DCC: variants seen among roughly 807,000 people sequenced by gnomAD.
DCC encodes the protein netrin receptor DCC.
Under a neutral mutation model 172.5 loss-of-function variants are expected in DCC, and 58 were observed. The ratio of observed to expected loss-of-function variants is 0.34; its 90% confidence interval spans 0.27 to 0.42. The LOEUF (loss-of-function observed/expected upper bound fraction) is 0.42, where lower values mean the gene tolerates loss of function less well. Among genes scored for constraint, DCC ranks in the 10% least tolerant of loss-of-function variants. The pLI, the probability that DCC is intolerant of heterozygous loss-of-function variation, is 1.00. For synonymous variants in DCC, 709 were observed against 644.5 expected (o/e 1.10, Z -1.52); for missense variants, 1,740 against 1,791.0 (o/e 0.97, Z 0.51).
intron 1 of DCC, among the ~76,000 whole-genome samples, chr18:52,383,461 T>C (rs974909317): frequency 6.6e-6 from 1 of 152,104 alleles, no homozygotes; most frequent in African/African-American, 2.4e-5. Flanking sequence ...TCCATTTGTA[T>C]CTTATTATTT....
At chr18:52,797,776 C>T (rs1193359595) in intron 2 of DCC, among the ~76,000 whole-genome samples, 2 of 152,180 alleles carry the variant, frequency 1.3e-5, no homozygotes, top group Non-Finnish European at 2.9e-5. Context: ...TGGGATGGAA[C>T]CCCCAGTGGT....
intron 1 of DCC, among the ~76,000 whole-genome samples, chr18:52,597,140 C>T (rs1372656253): frequency 6.6e-6 from 1 of 152,154 alleles, no homozygotes; most frequent in East Asian, 1.9e-4. Context: ...AAATGCAATT[C>T]CATCTCCTAA....
intron 17 of DCC, among the ~76,000 whole-genome samples, chr18:53,395,445 A>G (rs1908867391): frequency 6.6e-6 from 1 of 152,102 alleles, no homozygotes; most frequent in African/African-American, 2.4e-5. Flanking sequence ...AATACTTCTT[A>G]TTGCCTCATT....
intron 7 of DCC, among the ~76,000 whole-genome samples, chr18:53,077,635 C>T (rs1451828827): frequency 1.3e-5 from 2 of 152,126 alleles, no homozygotes; most frequent in Non-Finnish European, 2.9e-5. Context: ...TTTTCTCTTA[C>T]TTTGTGAGTA....
intron 27 of DCC, among the ~76,000 whole-genome samples, chr18:53,511,696 G>A (rs1384673199): frequency 6.6e-6 from 1 of 152,220 alleles, no homozygotes; most frequent in Non-Finnish European, 1.5e-5. Flanking sequence ...AGAAAGGGGT[G>A]ACGGACGGCA....
At chr18:53,311,423 A>C (rs1265659135) in intron 13 of DCC, among the ~76,000 whole-genome samples, 2 of 152,104 alleles carry the variant, frequency 1.3e-5, no homozygotes, top group Admixed American at 1.3e-4. Context: ...GCACCCGGCC[A>C]TACTGCTTAT....
At chr18:53,205,103 A>G (rs1219443959) in intron 9 of DCC, 113 bp from the exon 10 acceptor site, 1 of 802,860 alleles carries the variant, frequency 1.2e-6, no homozygotes, top group East Asian at 2.5e-5. Context: ...ATTCTAAAAT[A>G]CATACTCCTA....
rs543936761 is a variant in DCC at position 52,902,766 on chromosome 18, A to G, written c.413-3278A>G. Among the ~76,000 whole-genome samples, 5 of 152,330 alleles carry G rather than the reference A, an allele frequency of 3.3e-5. No homozygotes were observed. In the South Asian group the frequency reaches 8.3e-4, roughly 25 times the overall value. On this transcript the variant is annotated intron_variant, in intron 2 of 28. Transcript: ENST00000442544. Reference sequence around the variant, plus strand: ...AGCACAATATTGGGAGCATTCAGTCAAGCCTTATAGAGCCTTATAAACTTA... The same window carrying G: ...AGCACAATATTGGGAGCATTCAGTCGAGCCTTATAGAGCCTTATAAACTTA...
chr18:53,260,129 T>G (rs1211836923), intron 12 of DCC, among the ~76,000 whole-genome samples: 1 of 152,154 alleles, frequency 6.6e-6, no homozygotes, highest in East Asian at 1.9e-4. Context: ...GGTTTTTAAC[T>G]TCTTTGCCAT....
intron 7 of DCC, among the ~76,000 whole-genome samples, chr18:53,080,894 G>C (rs914195587): frequency 6.6e-6 from 1 of 151,982 alleles, no homozygotes; most frequent in Non-Finnish European, 1.5e-5. Flanking sequence ...CCTTGATAGG[G>C]TATAAGTGAG....
intron 13 of DCC, among the ~76,000 whole-genome samples, chr18:53,309,238 T>G (rs1405404665): frequency 6.6e-6 from 1 of 152,070 alleles, no homozygotes; most frequent in African/African-American, 2.4e-5. Context: ...AAGGTCTTGC[T>G]TTGTTGCCCA....
intron 1 of DCC, among the ~76,000 whole-genome samples, chr18:52,524,745 T>C (rs2031928043): frequency 6.6e-6 from 1 of 152,152 alleles, no homozygotes. Context: ...ATTAACAACT[T>C]TGCAGGTGCG....
At chr18:52,394,954 AT>A (rs562542328) in intron 1 of DCC, among the ~76,000 whole-genome samples, 45 of 152,018 alleles carry the variant, frequency 3.0e-4, no homozygotes, top group Middle Eastern at 6.3e-3. Context: ...GAAAGAGACT[AT>A]TTCCCGTTCC....
intron 1 of DCC, among the ~76,000 whole-genome samples, chr18:52,390,446 C>T (rs1479963845): frequency 6.6e-6 from 1 of 151,988 alleles, no homozygotes; most frequent in Non-Finnish European, 1.5e-5. Flanking sequence ...TACAGACACT[C>T]CAATTTAGTA....
At chr18:52,738,595 A>G (rs987269880) in intron 1 of DCC, among the ~76,000 whole-genome samples, 1 of 152,184 alleles carries the variant, frequency 6.6e-6, no homozygotes, top group Non-Finnish European at 1.5e-5. Flanking sequence ...TTAGGAAGTT[A>G]CCGTACTTAC....
chr18:52,427,169 A>C (rs1555681175), intron 1 of DCC, among the ~76,000 whole-genome samples: 1 of 152,112 alleles, frequency 6.6e-6, no homozygotes, highest in African/African-American at 2.4e-5. Flanking sequence ...AACTAATATC[A>C]CCTGCTCATT....
chr18:52,646,551 G>A (rs1204738182), intron 1 of DCC, among the ~76,000 whole-genome samples: 1 of 152,088 alleles, frequency 6.6e-6, no homozygotes, highest in African/African-American at 2.4e-5. Context: ...TATCGATTGG[G>A]GGTTCCCACA....
intron 1 of DCC, among the ~76,000 whole-genome samples, chr18:52,545,732 C>A (rs915363411): frequency 2.0e-5 from 3 of 152,096 alleles, no homozygotes; most frequent in Non-Finnish European, 4.4e-5. Flanking sequence ...GAAGATTATT[C>A]ATATCTTGAG....
chr18:53,004,668 G>C (rs1338448279), intron 5 of DCC, among the ~76,000 whole-genome samples: 1 of 151,886 alleles, frequency 6.6e-6, no homozygotes, highest in Non-Finnish European at 1.5e-5. Context: ...TCTCAAAGTT[G>C]TTCCTCAAGA....
Sources: gnomAD v4.1 joint callset for allele counts (sites outside exome capture counted in the v4.1 genomes callset) on GRCh38, gnomAD v4.1.1 for gene constraint, MANE v1.5 for transcripts, NCBI Gene and HGNC (gene_info 2026-07-23, HGNC 2026-07-21) for gene names.